Variants in RBFOX1 observed in about 807,000 individuals in gnomAD.
RBFOX1 encodes the protein RNA binding protein fox-1 homolog 1.
Under a neutral mutation model 57.7 loss-of-function variants are expected in RBFOX1, and 8 were observed. The observed-to-expected ratio is 0.14, with a 90% confidence interval of 0.08 to 0.25. The LOEUF is 0.25. Among genes scored for constraint, RBFOX1 ranks in the 10% least tolerant of loss-of-function variants. The probability of loss-of-function intolerance (pLI) is 1.00; values close to 1 mark genes in which losing one functional copy is unlikely to be tolerated. For missense variants in RBFOX1, 611 were observed against 548.5 expected (o/e 1.11, Z -1.14); for synonymous variants, 326 against 222.4 (o/e 1.47, Z -4.15).
chr16:5,335,465 C>T (rs891786225), intron 1 of RBFOX1, among the ~76,000 whole-genome samples: 2 of 152,180 alleles, frequency 1.3e-5, no homozygotes, highest in African/African-American at 2.4e-5. Flanking sequence ...TTCCTCTTCT[C>T]CATTGCACAT....
At chr16:6,731,391 G>A (rs571685787) in intron 3 of RBFOX1, among the ~76,000 whole-genome samples, 1 of 152,278 alleles carries the variant, frequency 6.6e-6, no homozygotes, top group East Asian at 1.9e-4. Context: ...CAGGGGATCA[G>A]TGACCTCACA....
chr16:5,461,826 T>C (rs2068796338), intron 1 of RBFOX1, among the ~76,000 whole-genome samples: 1 of 152,326 alleles, frequency 6.6e-6, no homozygotes, highest in Non-Finnish European at 1.5e-5. Context: ...TTAATTGTCT[T>C]TCTGAGAAGG....
At chr16:7,279,609 G>A (rs965710044) in intron 4 of RBFOX1, among the ~76,000 whole-genome samples, 4 of 152,166 alleles carry the variant, frequency 2.6e-5, no homozygotes, top group African/African-American at 4.8e-5. Flanking sequence ...AAAATGTTCT[G>A]GGAATAGAGA....
chr16:6,672,570 A>G (rs951323602), intron 3 of RBFOX1, among the ~76,000 whole-genome samples: 1 of 152,282 alleles, frequency 6.6e-6, no homozygotes, highest in South Asian at 2.1e-4. Context: ...AAGAAAGAGA[A>G]GAAATTCTGT....
At chr16:7,252,212 T>G (rs1455642536) in intron 4 of RBFOX1, among the ~76,000 whole-genome samples, 1 of 152,222 alleles carries the variant, frequency 6.6e-6, no homozygotes, top group Non-Finnish European at 1.5e-5. Flanking sequence ...CTTTGAGAGA[T>G]TTTTGTTTGT....
At chr16:6,106,239 C>G (rs938877360) in intron 1 of RBFOX1, among the ~76,000 whole-genome samples, 1 of 152,066 alleles carries the variant, frequency 6.6e-6, no homozygotes, top group African/African-American at 2.4e-5. Flanking sequence ...GGCTGAATCA[C>G]CTGAGGTCAG....
At chr16:6,576,227 C>G (rs1344850901) in intron 2 of RBFOX1, among the ~76,000 whole-genome samples, 1 of 152,156 alleles carries the variant, frequency 6.6e-6, no homozygotes, top group Non-Finnish European at 1.5e-5. Context: ...CCTGTCGTAG[C>G]ATCTCAGGGC....
At chr16:5,600,615 T>G (rs2047335895), downstream of RBFOX1, among the ~76,000 whole-genome samples, 1 of 151,934 alleles carries the variant, frequency 6.6e-6, no homozygotes, top group South Asian at 2.1e-4. Context: ...CTGGAATCTC[T>G]AAGGGCCCAC....
At chr16:7,589,424 C>G (rs186127693) in intron 7 of RBFOX1, among the ~76,000 whole-genome samples, 1 of 152,240 alleles carries the variant, frequency 6.6e-6, no homozygotes, top group African/African-American at 2.4e-5. Flanking sequence ...CATGATTAGC[C>G]TGTCTCTGGG....
chr16:7,616,634 T>A (rs180673745), intron 10 of RBFOX1, among the ~76,000 whole-genome samples: 16 of 152,240 alleles, frequency 1.1e-4, no homozygotes, highest in Admixed American at 5.2e-4. Context: ...CGTTATCTTG[T>A]TTCACTGCAA....
intron 1 of RBFOX1, among the ~76,000 whole-genome samples, chr16:5,368,499 G>T (rs1479124215): frequency 1.3e-5 from 2 of 152,182 alleles, no homozygotes; most frequent in African/African-American, 4.8e-5. Flanking sequence ...CATCTATTTA[G>T]AGGAACTTGA....
At chr16:7,026,541 A>C (rs1352300176) in intron 3 of RBFOX1, among the ~76,000 whole-genome samples, 1 of 151,594 alleles carries the variant, frequency 6.6e-6, no homozygotes, top group African/African-American at 2.4e-5. Context: ...ATACACAATC[A>C]CAGCTGCTTC....
At chr16:7,162,585 A>AC (rs1328893883) in intron 4 of RBFOX1, among the ~76,000 whole-genome samples, 2 of 151,094 alleles carry the variant, frequency 1.3e-5, no homozygotes, top group Admixed American at 1.3e-4. Context: ...AAAAAAAAAA[A>AC]ACATTGCCAG....
chr16:6,724,281 C>A (rs1452138490), intron 3 of RBFOX1, among the ~76,000 whole-genome samples: 1 of 148,628 alleles, frequency 6.7e-6, no homozygotes. Context: ...GCAATCTCTG[C>A]TGACTGTAAC....
At chr16:7,480,618 C>T (rs191466501) in intron 4 of RBFOX1, among the ~76,000 whole-genome samples, 1 of 152,208 alleles carries the variant, frequency 6.6e-6, no homozygotes, top group Non-Finnish European at 1.5e-5. Context: ...TGCGGATTCC[C>T]TCTTGCCTGA....
chr16:6,864,965 G>A (rs1394777981), intron 3 of RBFOX1, among the ~76,000 whole-genome samples: 1 of 146,938 alleles, frequency 6.8e-6, no homozygotes, highest in Admixed American at 6.8e-5. Flanking sequence ...CTCAATCCCA[G>A]TGCCAATGTT....
chr16:5,949,393 G>C (rs2059471691), intron 4 of RBFOX1, among the ~76,000 whole-genome samples: 1 of 151,834 alleles, frequency 6.6e-6, no homozygotes, highest in Non-Finnish European at 1.5e-5. Flanking sequence ...TGGCATGGTG[G>C]TGGGCGCCTG....
intron 3 of RBFOX1, among the ~76,000 whole-genome samples, chr16:5,626,249 G>C (rs929141616): frequency 2.0e-5 from 3 of 152,200 alleles, no homozygotes; most frequent in Non-Finnish European, 4.4e-5. Flanking sequence ...GAGGCAAGCA[G>C]TCAGAGATCA....
chr16:5,566,313 C>T (rs1342058415), intron 2 of RBFOX1, among the ~76,000 whole-genome samples: 1 of 152,064 alleles, frequency 6.6e-6, no homozygotes, highest in Non-Finnish European at 1.5e-5. Flanking sequence ...TAACGGCATT[C>T]CACTGTCGGA....
Sources: gnomAD v4.1 joint callset for allele counts (sites outside exome capture counted in the v4.1 genomes callset) on GRCh38, gnomAD v4.1.1 for gene constraint, MANE v1.5 for transcripts, NCBI Gene and HGNC (gene_info 2026-07-23, HGNC 2026-07-21) for gene names.